Variants in TM2D3 observed in about 807,000 individuals in gnomAD.
TM2D3 encodes TM2 domain containing 3, also known as TM2 domain-containing protein 3.
TM2D3 carries 33 observed loss-of-function variants against 27.3 expected under a neutral mutation model. The ratio of observed to expected loss-of-function variants is 1.21; its 90% CI spans 0.92 to 1.61. The LOEUF is 1.61. Ranked by LOEUF, TM2D3 falls within the 40% of genes most tolerant of loss-of-function variation. TM2D3 has a pLI of 0.00. For missense variants in TM2D3, 364 were observed against 320.8 expected (o/e 1.13, Z -1.03); for synonymous variants, 138 against 122.2 (o/e 1.13, Z -0.85).
At chr15:101,650,377 C>T in intron 2 of TM2D3, 1 of 427,136 alleles carries the variant, frequency 2.3e-6, no homozygotes, top group South Asian at 6.5e-5. Flanking sequence ...TAAAACATTA[C>T]TTCATTCCTG....
At chr15:101,644,665 T>C (rs925461324) in intron 5 of TM2D3, among the ~76,000 whole-genome samples, 3 of 152,222 alleles carry the variant, frequency 2.0e-5, no homozygotes, top group African/African-American at 7.2e-5. Context: ...GTAAGAAATA[T>C]AAGCCTATAA....
intron 1 of TM2D3, chr15:101,652,030 T>C (rs188306105): frequency 3.9e-5 from 22 of 567,424 alleles, no homozygotes; most frequent in South Asian, 3.7e-4. Flanking sequence ...CCCCAAGCGC[T>C]CCATCTCCGT....
At chr15:101,638,484 AC>A (rs1896598303), downstream of TM2D3, among the ~76,000 whole-genome samples, 1 of 151,782 alleles carries the variant, frequency 6.6e-6, no homozygotes. Flanking sequence ...TTTAGTAGAG[AC>A]GGGGGTTTCA....
downstream of TM2D3, among the ~76,000 whole-genome samples, chr15:101,640,263 G>A (rs1465085447): frequency 2.0e-5 from 3 of 152,142 alleles, no homozygotes; most frequent in Non-Finnish European, 2.9e-5. Flanking sequence ...AGGTCATGAG[G>A]GTGGAGCTCT....
intron 4 of TM2D3, chr15:101,633,825 C>G (rs1336949122): frequency 9.3e-7 from 1 of 1,078,112 alleles, no homozygotes; most frequent in Non-Finnish European, 1.3e-6. Context: ...ATCCATATAC[C>G]AAGAACCAGG....
At chr15:101,634,786 A>G (rs1373757502) in intron 4 of TM2D3, 1 of 152,256 alleles carries the variant, frequency 6.6e-6, no homozygotes, top group African/African-American at 2.4e-5. Flanking sequence ...GTACAAAAAT[A>G]TATCTTGAAA....
intron 3 of TM2D3, among the ~76,000 whole-genome samples, chr15:101,647,335 G>A (rs2141366691): frequency 6.6e-6 from 1 of 152,334 alleles, no homozygotes; most frequent in Middle Eastern, 3.4e-3. Flanking sequence ...CTTCAAGTGA[G>A]GAGTGGAATC....
chr15:101,645,339 A>C (rs1057030919), intron 4 of TM2D3, 177 bp from the exon 5 acceptor site: 1 of 603,746 alleles, frequency 1.7e-6, no homozygotes, highest in African/African-American at 1.9e-5. Flanking sequence ...GTAATATTTA[A>C]ATCAGCTAAG....
At chr15:101,651,656 A>G (rs1171416628) in intron 2 of TM2D3, 40 bp downstream of exon 2, 10 of 1,567,182 alleles carry the variant, frequency 6.4e-6, no homozygotes, top group East Asian at 2.2e-5. Flanking sequence ...ACTACTAGAG[A>G]TAACTACATG....
Position 101,642,412 on chromosome 15 carries a change from C to A in TM2D3, c.*67G>T. Reference sequence around the variant, plus strand: ...AAACATAGAAATATATCACTCACACCACATCAACTCCTACGGACAAAAGGG... The same window carrying A: ...AAACATAGAAATATATCACTCACACAACATCAACTCCTACGGACAAAAGGG... On this transcript the variant is annotated 3_prime_UTR_variant, in exon 6 of 6. Coordinates refer to ENST00000333202, the MANE Select transcript of TM2D3 (RefSeq NM_078474.3). 6.7e-7 allele frequency: 1 copy of A among 1,483,740 alleles called. No homozygotes were observed. The highest frequency in any genetic ancestry group is 1.4e-5 in the South Asian group (1 of 71,812). 91.9% of individuals were successfully genotyped at this position (1,483,740 alleles called of 1,614,324 possible).
chr15:101,633,703 C>T lies in TM2D3; in HGVS notation c.526G>A (p.Val176Ile), dbSNP rs1199431218. Reference sequence around the variant, plus strand: ...CAATGAAGTCCAACAGTGAGCTGAACATGAAGCCCCACCTGGGCCTGCAGA... The same window carrying T: ...CAATGAAGTCCAACAGTGAGCTGAATATGAAGCCCCACCTGGGCCTGCAGA... The change falls in exon 5 of 5, where the codon GTT (valine) becomes ATT (isoleucine). Residue 176 changes from valine to isoleucine, a missense_variant. Transcript: ENST00000428002. 7.8e-6 allele frequency: 12 copies of T among 1,533,462 alleles called. No homozygotes were observed. The South Asian group carries it at 9.5e-5, about 12-fold the overall frequency. The allele number at this position is 1,533,462 out of a possible 1,614,324, so 95.0% of individuals were successfully genotyped here.
downstream of TM2D3, chr15:101,636,848 T>C: frequency 2.6e-6 from 1 of 384,834 alleles, no homozygotes; most frequent in Non-Finnish European, 5.2e-6. Flanking sequence ...GTTTTCTTTT[T>C]CTTTTATTTT....
intron 3 of TM2D3, chr15:101,648,273 A>T (rs998813749): frequency 3.9e-5 from 6 of 152,170 alleles, no homozygotes; most frequent in Non-Finnish European, 1.5e-5. Flanking sequence ...TTCTCTCTGT[A>T]TGGTTCCAAC....
At chr15:101,646,568 A>T in intron 4 of TM2D3, 157 bp downstream of exon 4, 1 of 708,458 alleles carries the variant, frequency 1.4e-6, no homozygotes, top group Non-Finnish European at 2.4e-6. Context: ...GCTTTACTTT[A>T]GTACGTTGAG....
chr15:101,639,309 T>C (rs1896617178), downstream of TM2D3, among the ~76,000 whole-genome samples: 2 of 151,888 alleles, frequency 1.3e-5, no homozygotes, highest in Admixed American at 1.3e-4. Context: ...CTTCATACTC[T>C]ACCAAAAGGG....
Position 101,642,500 on chromosome 15 carries a change from T to C in TM2D3, c.723A>G (p.Ala241=). ...LLIGVGYVGP[A]DGSLYI ...ACAGCTAAATGTACAAAGAGCCATC[T>C]GCTGGTCCAACATAGCCAACTCCAA... The change falls in exon 6 of 6, where the codon GCA becomes GCG. Residue 241 remains alanine (A), a synonymous_variant. Coordinates refer to ENST00000333202, the MANE Select transcript of TM2D3 (RefSeq NM_078474.3). The C allele has an allele frequency of 1.2e-6, 2 of 1,612,998 alleles. No homozygotes were observed. Among genetic ancestry groups the C allele is most frequent in the Non-Finnish European group, 1.7e-6 (2 of 1,179,452 alleles).
chr15:101,652,199 G>C, intron 1 of TM2D3, 72 bp downstream of exon 1: 1 of 1,384,436 alleles, frequency 7.2e-7, no homozygotes, highest in African/African-American at 1.5e-5. Flanking sequence ...CCGTGGGCCC[G>C]GCCTCCTCGC....
chr15:101,649,544 G>A (rs928845108), intron 3 of TM2D3, among the ~76,000 whole-genome samples: 4 of 152,174 alleles, frequency 2.6e-5, no homozygotes, highest in African/African-American at 9.7e-5. Context: ...TTGTTCTAGA[G>A]AGCTACCAGG....
In TM2D3 at chr15:101,645,095, C is replaced by G. The variant is rs762635859; in HGVS notation, c.570G>C (p.Leu190=). ...CGAGTAACAAGGCTTACCTTAGAGC[C>G]AGAGCCGTAGACCACTTATAGCCTC... The part of the protein sequence containing the change: ...WTGGYKWSTA[L]ALSITLGGFG... The change falls in exon 5 of 6, where the codon CTG becomes CTC. Residue 190 remains leucine (L), a synonymous_variant. Transcript: ENST00000333202. 1 of 1,613,230 alleles carries G rather than the reference C, an allele frequency of 6.2e-7. No individual in the cohort carries two copies. Among genetic ancestry groups the G allele is most frequent in the Admixed American group, 1.7e-5 (1 of 59,912 alleles).
Sources: allele counts gnomAD v4.1 joint callset (sites outside exome capture counted in the v4.1 genomes callset), GRCh38; gene constraint gnomAD v4.1.1; transcripts MANE v1.5; gene names NCBI Gene and HGNC (gene_info 2026-07-23, HGNC 2026-07-21).